The following ZNF608 variants were observed in gnomAD, a reference collection of about 807,000 sequenced individuals.
ZNF608 encodes renal carcinoma antigen NY-REN-36.
Under a neutral mutation model 109.0 loss-of-function variants are expected in ZNF608, and 12 were observed. The observed-to-expected ratio is 0.11, with a 90% CI of 0.07 to 0.18. The LOEUF (loss-of-function observed/expected upper bound fraction) is 0.18, where lower values mean the gene tolerates loss of function less well. ZNF608 is among the 10% of genes least tolerant of loss of function. The pLI is 1.00. For missense variants in ZNF608, 1,707 were observed against 1,879.3 expected, an observed-to-expected ratio of 0.91 and a Z score of 1.70; for synonymous variants, 732 against 717.4, an observed-to-expected ratio of 1.02 and a Z score of -0.33.
intron 1 of ZNF608, chr5:124,745,420 C>A (rs1749604874): frequency 1.3e-5 from 2 of 157,492 alleles, no homozygotes; most frequent in African/African-American, 4.8e-5. Context: ...AGGATAATCA[C>A]CTTTTTAAAA....
At chr5:124,690,783 T>C (rs1345603809) in intron 3 of ZNF608, among the ~76,000 whole-genome samples, 1 of 151,610 alleles carries the variant, frequency 6.6e-6, no homozygotes, top group Non-Finnish European at 1.5e-5. Context: ...AACTAACAAG[T>C]AACATGTAAC....
At chr5:124,689,737 A>C (rs1752541643) in intron 3 of ZNF608, among the ~76,000 whole-genome samples, 1 of 152,164 alleles carries the variant, frequency 6.6e-6, no homozygotes. Context: ...CACAACACTG[A>C]CAACACCAAA....
intron 3 of ZNF608, among the ~76,000 whole-genome samples, chr5:124,658,162 G>A (rs77541983): frequency 0.096 from 14,571 of 152,060 alleles, 955 homozygotes; most frequent in Non-Finnish European, 0.14. Context: ...AAGAAGACAA[G>A]TCCCCTGAGC....
At chr5:124,642,222 C>CT (rs1270852283) in intron 7 of ZNF608, among the ~76,000 whole-genome samples, 1 of 152,160 alleles carries the variant, frequency 6.6e-6, no homozygotes. Context: ...TTTGTTTAGT[C>CT]TCTCTTCACA....
chr5:124,651,565 A>T (rs1205871590), intron 3 of ZNF608, among the ~76,000 whole-genome samples: 1 of 152,268 alleles, frequency 6.6e-6, no homozygotes, highest in Non-Finnish European at 1.5e-5. Flanking sequence ...TATAATTAAA[A>T]TTGCTTGAAA....
chr5:124,702,771 T>C (rs900636090), intron 2 of ZNF608, among the ~76,000 whole-genome samples: 4 of 152,196 alleles, frequency 2.6e-5, no homozygotes, highest in Admixed American at 6.5e-5. Context: ...ATAAAACTTC[T>C]TTTGCTCCAC....
At position 124,735,316 on chromosome 5, in the gene ZNF608, A is replaced by T. The variant is rs1373285673; in HGVS notation, c.906+8768T>A. Reference sequence around the variant, plus strand: ...GGCGTCGTGAAGAGCTGACAGATTTACAGCGCTCAGGGCCATAAACGGGTC... The same window carrying T: ...GGCGTCGTGAAGAGCTGACAGATTTTCAGCGCTCAGGGCCATAAACGGGTC... On this transcript the variant is annotated intron_variant, in intron 2 of 9. Transcript: ENST00000513986. 2.0e-5 allele frequency: 3 copies of T among 152,306 alleles called. No homozygotes were observed. The East Asian group carries it at 5.8e-4, about 29-fold the overall frequency. The allele number at this position is 152,306 out of a possible 1,614,324, so 9.4% of individuals were successfully genotyped here.
upstream of ZNF608, among the ~76,000 whole-genome samples, chr5:124,748,082 C>T (rs979256394): frequency 6.6e-6 from 1 of 152,092 alleles, no homozygotes; most frequent in Non-Finnish European, 1.5e-5. Flanking sequence ...TAATGAGTGA[C>T]TATTCCCTTG....
chr5:124,651,867 C>G (rs1043477930), intron 3 of ZNF608, among the ~76,000 whole-genome samples: 5 of 152,226 alleles, frequency 3.3e-5, no homozygotes, highest in Admixed American at 2.0e-4. Context: ...GCGCGCTGGC[C>G]GTGCGGGGCT....
In ZNF608 at chr5:124,669,658, A is replaced by AACACACACAC. The variant is rs56258363; in HGVS notation, c.1163-19971_1163-19962dup. Among the ~76,000 whole-genome samples, 470 of 148,268 alleles carry AACACACACAC rather than the reference A, an allele frequency of 3.2e-3. 2 individuals are homozygous for AACACACACAC. The highest frequency in any genetic ancestry group is 6.9e-3 in the Middle Eastern group (2 of 290). ...GAATCCCTTCTCCCAAACACACACA[A>AACACACACAC]ACACACACACACACACACACACACA... On this transcript the variant is annotated intron_variant, in intron 3 of 9. Transcript: ENST00000513986.
rs141388965 is a variant in ZNF608 at position 124,646,821 on chromosome 5, T to C, written c.3563A>G (p.Asn1188Ser). The C allele has an allele frequency of 1.8e-5, 29 of 1,614,146 alleles. No homozygotes were observed. Among genetic ancestry groups the C allele is most frequent in the Middle Eastern group, 1.6e-4 (1 of 6,084 alleles). The change falls in exon 5 of 10, where the codon AAT (asparagine) becomes AGT (serine). Residue 1188 changes from asparagine (N) to serine (S), a missense_variant. By Grantham distance (46) the Asn-to-Ser change is conservative. This residue lies in a region of ZNF608 where 1,073 missense variants were observed against 1,133.5 expected (regional missense o/e 0.95). Transcript: ENST00000513986. ...GTCGGCCTGAAGCTGCTGCTGGTGA[T>C]TGGAGAGAAGCTGCGATTTACCTGT... ...EETGKSQLLSNHQQQLQADSF... is the reference protein window; with the variant it reads ...EETGKSQLLSSHQQQLQADSF...
intron 9 of ZNF608, among the ~76,000 whole-genome samples, chr5:124,638,439 T>C (rs1323018472): frequency 6.6e-6 from 1 of 152,058 alleles, no homozygotes; most frequent in Non-Finnish European, 1.5e-5. Context: ...GTATTTTTAT[T>C]AGAGATGGGG....
chr5:124,725,563 A>G (rs1561586172), intron 2 of ZNF608, among the ~76,000 whole-genome samples: 1 of 152,158 alleles, frequency 6.6e-6, no homozygotes, highest in Non-Finnish European at 1.5e-5. Context: ...CAAAGCTTCT[A>G]AACTGTAGGA....
At position 124,647,657 on chromosome 5, in the gene ZNF608, C is replaced by T; in HGVS notation, c.2727G>A (p.Leu909=). 8.7e-6 allele frequency: 14 copies of T among 1,614,186 alleles called. No individual in the cohort carries two copies. Among genetic ancestry groups the T allele is most frequent in the Non-Finnish European group, 1.2e-5 (14 of 1,180,042 alleles). ...GTGCCATTGGTGCCTGCCCGTTCAC[C>T]AAAGTGCTGCATTCCAGCCTCGAGG... ...GSASRLECST[L]VNGQAPMAPL... The change falls in exon 5 of 10, where the codon TTG becomes TTA. Residue 909 remains leucine, a synonymous_variant. Transcript: ENST00000513986.
chr5:124,649,828 T>G, intron 3 of ZNF608, 131 bp from the exon 4 acceptor site: 3 of 568,340 alleles, frequency 5.3e-6, no homozygotes, highest in Non-Finnish European at 9.1e-6. Context: ...AGCTGTGGTT[T>G]GCATTCTTCC....
intron 6 of ZNF608, 25 bp downstream of exon 6, chr5:124,644,219 T>C (rs760841243): frequency 3.8e-6 from 6 of 1,560,938 alleles, no homozygotes; most frequent in East Asian, 2.3e-5. Flanking sequence ...TTTCCTCCAA[T>C]ATAGTCAGAA....
intron 2 of ZNF608, among the ~76,000 whole-genome samples, chr5:124,719,143 TGAA>T (rs770241163): frequency 6.6e-6 from 1 of 152,246 alleles, no homozygotes; most frequent in Non-Finnish European, 1.5e-5. Context: ...TCCAACTATT[TGAA>T]GAAGACAGAT....
intron 3 of ZNF608, among the ~76,000 whole-genome samples, chr5:124,678,345 A>G (rs930351217): frequency 1.3e-5 from 2 of 152,208 alleles, no homozygotes; most frequent in African/African-American, 4.8e-5. Context: ...ATAGACTAAA[A>G]TTAATCTAAT....
In ZNF608 at chr5:124,744,280, C is replaced by T. The variant is rs1391454488; in HGVS notation, c.710G>A (p.Gly237Asp). ...ACCTCCATTGCTCTTGGCCCCAAAG[C>T]CATAGAGGTGCCCCCCGGAAGGGGC... ...SQAPSGGHLY[G>D]FGAKSNGGGA... The change falls in exon 2 of 10, where the codon GGC (glycine) becomes GAC (aspartate). Residue 237 changes from glycine to aspartate, a missense_variant. This residue lies in a region of ZNF608 where 407 missense variants were observed against 398.7 expected (regional missense o/e 1.02). Transcript: ENST00000513986. This position sits in a 1 kb window ranked among gnomAD's most constrained non-coding sequence, Gnocchi z 4.5. The T allele has an allele frequency of 1.2e-6, 2 of 1,613,836 alleles. No homozygotes were observed. The highest frequency in any genetic ancestry group is 1.1e-5 in the South Asian group (1 of 91,066).
Sources: gnomAD v4.1 joint callset for allele counts (sites outside exome capture counted in the v4.1 genomes callset) on GRCh38, gnomAD v4.1.1 for gene constraint, gnomAD v4.1.1 regional missense constraint, Gnocchi (gnomAD v3.1) non-coding constraint, MANE v1.5 for transcripts, NCBI Gene and HGNC (gene_info 2026-07-23, HGNC 2026-07-21) for gene names.